CSMD1: variants seen among roughly 807,000 people sequenced by gnomAD.
CSMD1 encodes CUB and sushi domain-containing protein 1.
In CSMD1, 213 loss-of-function variants were observed where a neutral mutation model predicts 417.5. The observed-to-expected ratio is 0.51, with a 90% CI of 0.46 to 0.57. The LOEUF is 0.57. Among genes scored for constraint, CSMD1 ranks in the 20% least tolerant of loss-of-function variants. The pLI, the probability that CSMD1 is intolerant of heterozygous loss-of-function variation, is 0.00. For synonymous variants in CSMD1, 2,862 were observed against 1,736.8 expected (o/e 1.65, Z -16.11); for missense variants, 6,923 against 4,529.7 (o/e 1.53, Z -15.17).
At chr8:3,563,317 T>C (rs2081211281) in intron 10 of CSMD1, among the ~76,000 whole-genome samples, 1 of 151,736 alleles carries the variant, frequency 6.6e-6, no homozygotes, top group Non-Finnish European at 1.5e-5. Flanking sequence ...AATTGCTGAA[T>C]ATAAAAGGTT....
chr8:3,099,935 A>AT (rs1815610419), intron 46 of CSMD1, among the ~76,000 whole-genome samples: 1 of 152,192 alleles, frequency 6.6e-6, no homozygotes, highest in South Asian at 2.1e-4. Flanking sequence ...TGTATCATTT[A>AT]TCATTTGTAT....
intron 11 of CSMD1, among the ~76,000 whole-genome samples, chr8:3,487,163 C>G (rs917246219): frequency 6.6e-6 from 1 of 151,990 alleles, no homozygotes; most frequent in South Asian, 2.1e-4. Context: ...GGGCCGCTCT[C>G]TTCAGACAAC....
chr8:3,480,982 C>G (rs1157158435), intron 11 of CSMD1, among the ~76,000 whole-genome samples: 2 of 151,464 alleles, frequency 1.3e-5, no homozygotes, highest in African/African-American at 2.4e-5. Flanking sequence ...TAGTGAAACC[C>G]TGTCTGAACT....
intron 6 of CSMD1, among the ~76,000 whole-genome samples, chr8:3,714,609 C>G (rs13277773): frequency 2.1e-5 from 3 of 142,538 alleles, no homozygotes; most frequent in Admixed American, 1.4e-4. Context: ...TGGTGGCGGG[C>G]GACTGTAGTC....
At chr8:4,944,669 A>G (rs1398291337) in intron 1 of CSMD1, among the ~76,000 whole-genome samples, 1 of 152,230 alleles carries the variant, frequency 6.6e-6, no homozygotes, top group East Asian at 1.9e-4. Context: ...ATTGATCATT[A>G]GAGGAATGCA....
chr8:4,142,232 T>C (rs1490342095), intron 3 of CSMD1, among the ~76,000 whole-genome samples: 2 of 151,184 alleles, frequency 1.3e-5, no homozygotes, highest in African/African-American at 2.5e-5. Flanking sequence ...ATTATAGTGA[T>C]ACTTAATTTA....
chr8:4,427,848 A>C (rs1797653572), intron 2 of CSMD1, among the ~76,000 whole-genome samples: 1 of 152,160 alleles, frequency 6.6e-6, no homozygotes, highest in South Asian at 2.1e-4. Context: ...CTTTTTCTTA[A>C]AACCCTGTTG....
chr8:4,378,184 T>C (rs1183909682), intron 3 of CSMD1, among the ~76,000 whole-genome samples: 1 of 152,228 alleles, frequency 6.6e-6, no homozygotes, highest in Non-Finnish European at 1.5e-5. Context: ...ATTGCGACTC[T>C]AATCGGCGTC....
At chr8:4,994,309 G>A (rs566270893) in intron 1 of CSMD1, 23 bp downstream of exon 1, 1 of 1,604,656 alleles carries the variant, frequency 6.2e-7, no homozygotes, top group Non-Finnish European at 8.5e-7. Flanking sequence ...CCGCCTCCCC[G>A]GCCAGGAGCA....
intron 1 of CSMD1, among the ~76,000 whole-genome samples, chr8:4,810,581 G>T (rs549520688): frequency 6.6e-6 from 1 of 152,200 alleles, no homozygotes; most frequent in African/African-American, 2.4e-5. Context: ...GGTGGTGGCT[G>T]TGTGTCTGTA....
At chr8:3,238,856 C>A (rs913088229) in intron 26 of CSMD1, among the ~76,000 whole-genome samples, 2 of 152,058 alleles carry the variant, frequency 1.3e-5, no homozygotes, top group Non-Finnish European at 2.9e-5. Flanking sequence ...GAGATATCAG[C>A]TGTAATGGCT....
chr8:3,531,681 G>A (rs1797986465), intron 10 of CSMD1, among the ~76,000 whole-genome samples: 1 of 152,140 alleles, frequency 6.6e-6, no homozygotes, highest in African/African-American at 2.4e-5. Flanking sequence ...CAGATAATGA[G>A]GGCAAAGAGT....
chr8:4,843,898 C>T (rs777083280), intron 1 of CSMD1, among the ~76,000 whole-genome samples: 1 of 152,134 alleles, frequency 6.6e-6, no homozygotes, highest in Non-Finnish European at 1.5e-5. Context: ...ACCCAGTGAG[C>T]TCTTTTCTGG....
At chr8:3,662,404 G>C (rs528984513) in intron 7 of CSMD1, among the ~76,000 whole-genome samples, 1 of 152,114 alleles carries the variant, frequency 6.6e-6, no homozygotes, top group Non-Finnish European at 1.5e-5. Context: ...TGAATGTCAA[G>C]ACTCCATGCC....
chr8:3,682,855 T>C (rs1409702504), intron 7 of CSMD1, among the ~76,000 whole-genome samples: 1 of 152,112 alleles, frequency 6.6e-6, no homozygotes, highest in Admixed American at 6.5e-5. Flanking sequence ...TGGAATACTA[T>C]GTAGCCATAA....
intron 7 of CSMD1, among the ~76,000 whole-genome samples, chr8:3,623,803 C>A (rs931804339): frequency 1.3e-5 from 2 of 152,118 alleles, no homozygotes; most frequent in South Asian, 4.2e-4. Context: ...TGGAGAAACC[C>A]TGTCTCTACT....
At chr8:4,806,043 T>C (rs1050464065) in intron 1 of CSMD1, among the ~76,000 whole-genome samples, 2 of 152,194 alleles carry the variant, frequency 1.3e-5, no homozygotes, top group Non-Finnish European at 2.9e-5. Flanking sequence ...GACAGTGAGA[T>C]GACGGAAACC....
intron 1 of CSMD1, among the ~76,000 whole-genome samples, chr8:4,718,037 G>A (rs948341865): frequency 1.3e-5 from 2 of 152,160 alleles, no homozygotes; most frequent in Non-Finnish European, 2.9e-5. Flanking sequence ...GAGGGCAGTG[G>A]CACAATCACA....
At chr8:4,854,501 C>T (rs1278467589) in intron 1 of CSMD1, among the ~76,000 whole-genome samples, 4 of 152,172 alleles carry the variant, frequency 2.6e-5, no homozygotes, top group Non-Finnish European at 4.4e-5. Flanking sequence ...ATCTGAGGTA[C>T]CGGGTTCATC....
Sources: allele counts gnomAD v4.1 joint callset (sites outside exome capture counted in the v4.1 genomes callset), GRCh38; gene constraint gnomAD v4.1.1; transcripts MANE v1.5; gene names NCBI Gene and HGNC (gene_info 2026-07-23, HGNC 2026-07-21).